Variants in LITAF observed in about 807,000 individuals in gnomAD.
LITAF encodes the protein lipopolysaccharide induced TNF factor, also known as lipopolysaccharide-induced tumor necrosis factor-alpha factor.
LITAF carries 9 observed loss-of-function variants against 14.5 expected under a neutral mutation model. The observed-to-expected ratio is 0.62, with a 90% CI of 0.37 to 1.08. The LOEUF is 1.08. LITAF is among the 50% of genes least tolerant of loss of function. The probability of loss-of-function intolerance (pLI) is 0.01; values close to 1 mark genes in which losing one functional copy is unlikely to be tolerated. For missense variants in LITAF, 206 were observed against 213.4 expected, an observed-to-expected ratio of 0.97 and a Z score of 0.22; for synonymous variants, 98 against 88.2, an observed-to-expected ratio of 1.11 and a Z score of -0.62.
chr16:11,596,373 G>A (rs1275291134), intron 1 of LITAF, among the ~76,000 whole-genome samples: 11 of 150,294 alleles, frequency 7.3e-5, no homozygotes, highest in Non-Finnish European at 1.5e-4. Context: ...CAGGGATTGT[G>A]CTGCATGACT....
chr16:11,637,906 A>ATC (rs1555475620), upstream of LITAF, among the ~76,000 whole-genome samples: 9 of 63,520 alleles, frequency 1.4e-4, no homozygotes, highest in Admixed American at 4.4e-4. Context: ...AACTATATAT[A>ATC]TATATATCTA....
At chr16:11,555,727 TC>T (rs1193716385) in intron 2 of LITAF, among the ~76,000 whole-genome samples, 1 of 151,644 alleles carries the variant, frequency 6.6e-6, no homozygotes, top group Non-Finnish European at 1.5e-5. Context: ...GAATCTAAAG[TC>T]ATTATCTCAT....
At position 11,632,306 on chromosome 16, in the gene LITAF, C is replaced by G. The variant is rs543904106; in HGVS notation, c.85+1227G>C. Among the ~76,000 whole-genome samples, 7 of 152,180 alleles carry G rather than the reference C, an allele frequency of 4.6e-5. No individual in the cohort carries two copies. The highest frequency in any genetic ancestry group is 1.7e-4 in the African/African-American group (7 of 41,538). On this transcript the variant is annotated intron_variant, in intron 3 of 3. Transcript: ENST00000574848. The surrounding 1 kb of genome is among the most constrained non-coding windows in gnomAD (Gnocchi z 4.8). ...AGGATTAGGCAATCCGCTGGCCCCT[C>G]CCCACATGGACTGAGAAAGGTGAGG...
chr16:11,562,867 AG>A (rs1216257353), intron 1 of LITAF, among the ~76,000 whole-genome samples: 1 of 152,184 alleles, frequency 6.6e-6, no homozygotes, highest in East Asian at 1.9e-4. Flanking sequence ...ACTGCTCTCC[AG>A]CCTGGGTGAC....
intron 1 of LITAF, among the ~76,000 whole-genome samples, chr16:11,557,251 G>C (rs1448171072): frequency 6.6e-6 from 1 of 151,678 alleles, no homozygotes; most frequent in Non-Finnish European, 1.5e-5. Context: ...GTCAGAAATA[G>C]GCAAAATGAA....
chr16:11,603,332 C>T (rs1451903866), upstream of LITAF, among the ~76,000 whole-genome samples: 4 of 152,188 alleles, frequency 2.6e-5, no homozygotes, highest in African/African-American at 7.2e-5. Flanking sequence ...AGGATGGGGG[C>T]GGTGCTGTTT....
At chr16:11,602,278 C>A (rs552835568), upstream of LITAF, among the ~76,000 whole-genome samples, 3 of 152,062 alleles carry the variant, frequency 2.0e-5, no homozygotes, top group African/African-American at 7.2e-5. Context: ...ATTGCTTGAG[C>A]CCGGGAGGCG....
rs559825408 is a variant in LITAF at position 11,633,067 on chromosome 16, G to A, written c.85+466C>T. On this transcript the variant is annotated intron_variant, in intron 3 of 3. Transcript: ENST00000574848. ...TGGGAAAGGAGGTCTCTCTAGCCCC[G>A]TCACCCCTGCATACACATAAGTGCA... 9.2e-5 allele frequency among the ~76,000 whole-genome samples: 14 copies of A among 152,262 alleles called. No individual in the cohort carries two copies. In the South Asian group the frequency reaches 1.2e-3, roughly 14 times the overall value.
At chr16:11,601,827 C>A (rs1219309182), upstream of LITAF, among the ~76,000 whole-genome samples, 1 of 152,134 alleles carries the variant, frequency 6.6e-6, no homozygotes, top group African/African-American at 2.4e-5. Flanking sequence ...CCCATGTTGT[C>A]GGGATTACAG....
chr16:11,575,454 C>T (rs961585969), intron 1 of LITAF: 1 of 152,118 alleles, frequency 6.6e-6, no homozygotes, highest in Non-Finnish European at 1.5e-5. Context: ...AAAGTGAGGT[C>T]GTGTTACAGG....
intron 3 of LITAF, among the ~76,000 whole-genome samples, chr16:11,606,919 G>A (rs1029914018): frequency 3.9e-5 from 6 of 152,184 alleles, no homozygotes; most frequent in East Asian, 1.9e-4. Context: ...GATTACAAGC[G>A]TGAGCCACTG....
chr16:11,582,890 G>T (rs1367196072), intron 1 of LITAF, among the ~76,000 whole-genome samples: 1 of 152,120 alleles, frequency 6.6e-6, no homozygotes, highest in South Asian at 2.1e-4. Context: ...CTTAAACTAA[G>T]GAGGGTCACC....
chr16:11,576,668 A>G (rs1312944020), intron 1 of LITAF, among the ~76,000 whole-genome samples: 1 of 151,956 alleles, frequency 6.6e-6, no homozygotes, highest in Non-Finnish European at 1.5e-5. Context: ...TGGCGGCTCC[A>G]TCCCACCAAC....
At chr16:11,551,742 G>A (rs1026652953) in intron 3 of LITAF, 14 of 683,930 alleles carry the variant, frequency 2.0e-5, no homozygotes, top group Non-Finnish European at 3.5e-5. Flanking sequence ...TGAGCTGGGC[G>A]GATTGCAGGA....
At chr16:11,592,624 G>A (rs569925723) in intron 1 of LITAF, among the ~76,000 whole-genome samples, 1 of 149,244 alleles carries the variant, frequency 6.7e-6, no homozygotes, top group East Asian at 2.0e-4. Context: ...TTACCCCCAA[G>A]AAAATACACA....
chr16:11,606,139 G>A (rs993874199), intron 3 of LITAF, among the ~76,000 whole-genome samples: 1 of 152,102 alleles, frequency 6.6e-6, no homozygotes, highest in South Asian at 2.1e-4. Flanking sequence ...GTCCCACATG[G>A]TTCCCTCTGC....
intron 3 of LITAF, among the ~76,000 whole-genome samples, chr16:11,612,761 A>G (rs1315014331): frequency 6.6e-6 from 1 of 152,146 alleles, no homozygotes; most frequent in Non-Finnish European, 1.5e-5. Flanking sequence ...ACGAGGACAG[A>G]CTGAAAAGAG....
chr16:11,624,414 C>T (rs950417390), intron 3 of LITAF, among the ~76,000 whole-genome samples: 2 of 152,110 alleles, frequency 1.3e-5, no homozygotes, highest in Non-Finnish European at 2.9e-5. Flanking sequence ...ATAACAAGCC[C>T]CTCCCTGGAG....
chr16:11,566,040 C>G (rs1207550131), intron 1 of LITAF, among the ~76,000 whole-genome samples: 2 of 152,050 alleles, frequency 1.3e-5, no homozygotes, highest in African/African-American at 4.8e-5. Context: ...CCTCATAAGG[C>G]TCTTGAGAGG....
Sources: gnomAD v4.1 joint callset for allele counts (sites outside exome capture counted in the v4.1 genomes callset) on GRCh38, gnomAD v4.1.1 for gene constraint, Gnocchi (gnomAD v3.1) non-coding constraint, MANE v1.5 for transcripts, NCBI Gene and HGNC (gene_info 2026-07-23, HGNC 2026-07-21) for gene names.